Variants in PTPRD observed in about 807,000 individuals in gnomAD.
The protein encoded by PTPRD is protein tyrosine phosphatase receptor type D, also known as receptor-type tyrosine-protein phosphatase delta.
PTPRD carries 34 observed loss-of-function variants against 214.5 expected under a neutral mutation model. The ratio of observed to expected loss-of-function variants is 0.16; its 90% CI spans 0.12 to 0.21. The LOEUF (loss-of-function observed/expected upper bound fraction) is 0.21. Among genes scored for constraint, PTPRD ranks in the 10% least tolerant of loss-of-function variants. The pLI is 1.00. For synonymous variants in PTPRD, 1,128 were observed against 845.7 expected (o/e 1.33, Z -5.79); for missense variants, 2,545 against 2,398.7 (o/e 1.06, Z -1.27).
intron 4 of PTPRD, among the ~76,000 whole-genome samples, chr9:9,941,005 GA>G (rs202187663): frequency 1.3e-5 from 2 of 150,012 alleles, no homozygotes; most frequent in African/African-American, 2.4e-5. Context: ...GGCCACACCA[GA>G]AAAAAAAAGA....
intron 3 of PTPRD, among the ~76,000 whole-genome samples, chr9:10,260,956 G>GTGTGTGTATATATATA: frequency 6.8e-6 from 1 of 147,960 alleles, no homozygotes; most frequent in Non-Finnish European, 1.5e-5. Context: ...ATATACATGT[G>GTGTGTGTATATATATA]TGTGTGTATA....
rs191769796 is a variant in PTPRD at position 10,358,677 on chromosome 9, T to G, written c.-599-17660A>C. On this transcript the variant is annotated intron_variant, in intron 2 of 45. Coordinates refer to ENST00000381196, the MANE Select transcript of PTPRD (RefSeq NM_002839.4). ...ACTATTAGCTCAGTATACACCATCTTAAGAAAAGTACACATATATATATAA... is the reference window on the plus strand; with the variant it reads ...ACTATTAGCTCAGTATACACCATCTGAAGAAAAGTACACATATATATATAA... Among the ~76,000 whole-genome samples the G allele has an allele frequency of 2.0e-5, 3 of 152,042 alleles. No homozygotes were observed. The East Asian group carries it at 5.8e-4, about 29-fold the overall frequency.
chr9:10,304,352 C>T (rs545916034), intron 3 of PTPRD, among the ~76,000 whole-genome samples: 2 of 152,220 alleles, frequency 1.3e-5, no homozygotes, highest in Non-Finnish European at 2.9e-5. Flanking sequence ...AAAACCGGCA[C>T]AAGACAAGGA....
intron 5 of PTPRD, among the ~76,000 whole-genome samples, chr9:9,933,358 G>T (rs1398494521): frequency 7.9e-5 from 12 of 151,838 alleles, no homozygotes; most frequent in Non-Finnish European, 1.3e-4. Flanking sequence ...ACACACACAG[G>T]CTCAAAATAA....
At chr9:8,637,318 C>G (rs2096465585) in intron 12 of PTPRD, among the ~76,000 whole-genome samples, 1 of 152,052 alleles carries the variant, frequency 6.6e-6, no homozygotes, top group Non-Finnish European at 1.5e-5. Context: ...TTTAAAGAGA[C>G]AAGAAATATC....
chr9:10,503,890 G>T lies in PTPRD; in HGVS notation c.-600+108508C>A, dbSNP rs553308098. ...CCAGCACTTTGGGAGGCCGAGGTGG[G>T]CGGATCATAAGGTCAGGAGATCAAG... On this transcript the variant is annotated intron_variant, in intron 2 of 45. Coordinates refer to ENST00000381196, the MANE Select transcript of PTPRD (RefSeq NM_002839.4). 1.4e-4 allele frequency among the ~76,000 whole-genome samples: 21 copies of T among 151,858 alleles called. No homozygotes were observed. In the South Asian group the frequency reaches 4.0e-3, roughly 29 times the overall value.
intron 2 of PTPRD, among the ~76,000 whole-genome samples, chr9:10,474,400 T>C (rs567156470): frequency 4.6e-5 from 7 of 151,772 alleles, no homozygotes; most frequent in African/African-American, 1.2e-4. Flanking sequence ...AGAAGGGCAT[T>C]ACATAATGGT....
intron 11 of PTPRD, among the ~76,000 whole-genome samples, chr9:8,904,597 G>T (rs981935068): frequency 6.6e-6 from 1 of 151,492 alleles, no homozygotes; most frequent in Non-Finnish European, 1.5e-5. Flanking sequence ...GCTTGAACCC[G>T]GGAGGCAAAA....
intron 11 of PTPRD, among the ~76,000 whole-genome samples, chr9:8,911,241 G>A (rs926150176): frequency 5.3e-5 from 8 of 152,192 alleles, no homozygotes; most frequent in South Asian, 4.1e-4. Context: ...GTCCTGAGAA[G>A]AGACATATAG....
intron 11 of PTPRD, among the ~76,000 whole-genome samples, chr9:8,762,849 C>A (rs565114951): frequency 2.0e-5 from 3 of 152,274 alleles, no homozygotes; most frequent in East Asian, 1.9e-4. Context: ...CAAAAGCTTG[C>A]CTCCCAGCGG....
At chr9:10,609,486 C>G (rs976472569) in intron 2 of PTPRD, among the ~76,000 whole-genome samples, 6 of 152,160 alleles carry the variant, frequency 3.9e-5, no homozygotes, top group African/African-American at 1.4e-4. Context: ...CAATAATTGT[C>G]ATGTGCACTA....
intron 14 of PTPRD, among the ~76,000 whole-genome samples, chr9:8,594,990 G>A (rs928920110): frequency 6.6e-6 from 1 of 150,562 alleles, no homozygotes; most frequent in Non-Finnish European, 1.5e-5. Context: ...AGACTCCTGA[G>A]TAGCTGGAAC....
At chr9:8,749,811 G>A (rs1379506163) in intron 11 of PTPRD, among the ~76,000 whole-genome samples, 1 of 152,100 alleles carries the variant, frequency 6.6e-6, no homozygotes, top group African/African-American at 2.4e-5. Context: ...GTACAAGACA[G>A]CAAGGTCCGG....
At chr9:8,711,412 G>A (rs1361653810) in intron 12 of PTPRD, among the ~76,000 whole-genome samples, 1 of 152,002 alleles carries the variant, frequency 6.6e-6, no homozygotes, top group East Asian at 1.9e-4. Context: ...AAAAGGCCTT[G>A]ATTTAATTAG....
At chr9:9,423,374 A>G (rs1219321784) in intron 8 of PTPRD, among the ~76,000 whole-genome samples, 2 of 152,174 alleles carry the variant, frequency 1.3e-5, no homozygotes, top group Admixed American at 6.6e-5. Context: ...CTGCAATCCA[A>G]GAAGGGACCT....
chr9:9,149,744 G>A (rs1461629673), intron 10 of PTPRD, among the ~76,000 whole-genome samples: 1 of 152,134 alleles, frequency 6.6e-6, no homozygotes, highest in African/African-American at 2.4e-5. Flanking sequence ...TTGTCTTTAT[G>A]CCTTGGCCTG....
At chr9:9,447,127 A>C (rs2090689699) in intron 8 of PTPRD, among the ~76,000 whole-genome samples, 1 of 152,152 alleles carries the variant, frequency 6.6e-6, no homozygotes, top group South Asian at 2.1e-4. Flanking sequence ...AAGACCAAAA[A>C]TCGGAATTAC....
rs79109364 is a variant in PTPRD at position 8,491,636 on chromosome 9, A to T, written c.2467+1226T>A. On this transcript the variant is annotated intron_variant, in intron 27 of 45. Coordinates refer to ENST00000381196, the MANE Select transcript of PTPRD (RefSeq NM_002839.4). ...ACATGCCTGCTCTTCAGGGCATTAA[A>T]TTAGCTTGATACAATGGTATTTAAA... is the stretch of plus-strand genomic sequence containing the variant. 3.7e-4 allele frequency among the ~76,000 whole-genome samples: 56 copies of T among 149,902 alleles called. 1 individual carries two copies. The East Asian group carries it at 0.011, about 29-fold the overall frequency.
chr9:9,858,043 C>T (rs1237579250), intron 5 of PTPRD, among the ~76,000 whole-genome samples: 1 of 152,170 alleles, frequency 6.6e-6, no homozygotes, highest in Non-Finnish European at 1.5e-5. Context: ...CTCCTTAACA[C>T]CAATCAGAAC....
Sources: allele counts gnomAD v4.1 joint callset (sites outside exome capture counted in the v4.1 genomes callset), GRCh38; gene constraint gnomAD v4.1.1; transcripts MANE v1.5; gene names NCBI Gene and HGNC (gene_info 2026-07-23, HGNC 2026-07-21).